C8orf34: variants seen among roughly 807,000 people sequenced by gnomAD.
C8orf34 encodes the protein chromosome 8 open reading frame 34, also known as uncharacterized protein C8orf34.
Under a neutral mutation model 68.3 loss-of-function variants are expected in C8orf34, and 65 were observed. The ratio of observed to expected loss-of-function variants is 0.95; its 90% CI spans 0.78 to 1.17. The LOEUF is 1.17. Among genes scored for constraint, C8orf34 ranks in the 50% most tolerant of loss-of-function variants. The pLI is 0.00. For synonymous variants in C8orf34, 244 were observed against 241.2 expected (o/e 1.01, Z -0.11); for missense variants, 664 against 655.4 (o/e 1.01, Z -0.14).
At chr8:68,347,620 T>C (rs1047006987) in intron 1 of C8orf34, among the ~76,000 whole-genome samples, 3 of 152,090 alleles carry the variant, frequency 2.0e-5, no homozygotes. Context: ...CTCACCAGCA[T>C]CTGTTGTTTT....
chr8:68,735,946 C>T (rs182373882), intron 10 of C8orf34, among the ~76,000 whole-genome samples: 35 of 152,250 alleles, frequency 2.3e-4, no homozygotes. Flanking sequence ...ACTTTAGGTT[C>T]AACAACACCC....
intron 7 of C8orf34, among the ~76,000 whole-genome samples, chr8:68,638,939 G>T (rs530040511): frequency 1.5e-3 from 226 of 152,246 alleles, no homozygotes; most frequent in Non-Finnish European, 2.6e-3. Flanking sequence ...CCTAACTGCG[G>T]TAGGGAAATC....
intron 1 of C8orf34, among the ~76,000 whole-genome samples, chr8:68,421,216 C>T (rs1332748995): frequency 1.3e-5 from 2 of 152,098 alleles, no homozygotes; most frequent in Admixed American, 6.5e-5. Context: ...AACGAAAGAC[C>T]TTGGGCATTA....
chr8:68,719,781 G>T (rs957076022), intron 9 of C8orf34, among the ~76,000 whole-genome samples: 40 of 151,816 alleles, frequency 2.6e-4, no homozygotes, highest in African/African-American at 9.4e-4. Flanking sequence ...AAAATAATTT[G>T]CTGTGTAATG....
At chr8:68,341,433 A>G (rs1240067222) in intron 1 of C8orf34, among the ~76,000 whole-genome samples, 2 of 152,218 alleles carry the variant, frequency 1.3e-5, no homozygotes, top group Non-Finnish European at 2.9e-5. Context: ...ATGATGTCAC[A>G]TATATGGGAA....
At chr8:68,747,262 A>G (rs1195359740) in intron 10 of C8orf34, among the ~76,000 whole-genome samples, 1 of 151,248 alleles carries the variant, frequency 6.6e-6, no homozygotes, top group East Asian at 1.9e-4. Flanking sequence ...TCTATGACAA[A>G]TCCACAGCCA....
intron 11 of C8orf34, among the ~76,000 whole-genome samples, chr8:68,780,224 C>G (rs1296076410): frequency 6.6e-6 from 1 of 152,192 alleles, no homozygotes; most frequent in African/African-American, 2.4e-5. Flanking sequence ...TGTAAAATAG[C>G]TGAAGTCAAT....
At chr8:68,740,762 G>A (rs779066927) in intron 10 of C8orf34, among the ~76,000 whole-genome samples, 13 of 151,914 alleles carry the variant, frequency 8.6e-5, no homozygotes, top group Admixed American at 2.0e-4. Context: ...AATATAAATT[G>A]TTCTGTCATA....
chr8:68,816,103 A>AGTGTGT (rs200556315), intron 13 of C8orf34, among the ~76,000 whole-genome samples, 158 bp downstream of exon 13: 390 of 104,666 alleles, frequency 3.7e-3, no homozygotes, highest in African/African-American at 0.015. Flanking sequence ...AGATTTCCTA[A>AGTGTGT]GAGTGTGTGT....
intron 4 of C8orf34, among the ~76,000 whole-genome samples, chr8:68,474,910 T>C (rs1411526645): frequency 5.9e-5 from 9 of 152,216 alleles, no homozygotes; most frequent in Admixed American, 3.3e-4. Flanking sequence ...ATTGATTCGC[T>C]TCTCCATTCT....
intron 5 of C8orf34, among the ~76,000 whole-genome samples, chr8:68,502,954 C>T (rs906128164): frequency 2.6e-5 from 4 of 152,124 alleles, no homozygotes; most frequent in Non-Finnish European, 4.4e-5. Context: ...AGCAGAGGAA[C>T]GTTTCAAACC....
intron 1 of C8orf34, among the ~76,000 whole-genome samples, chr8:68,421,208 C>G (rs376457833): frequency 6.6e-6 from 1 of 152,102 alleles, no homozygotes; most frequent in African/African-American, 2.4e-5. Flanking sequence ...CTAAATAAAA[C>G]GAAAGACCTT....
In C8orf34 at chr8:68,669,248, G is replaced by A. The variant is rs116776424; in HGVS notation, c.1241+28737G>A. 4.0e-3 allele frequency among the ~76,000 whole-genome samples: 601 copies of A among 152,138 alleles called. 7 individuals carry two copies. The highest frequency in any genetic ancestry group is 0.014 in the African/African-American group (567 of 41,492). ...ACTTTGGTGGGGGATGTTGATAATG[G>A]GGGAGGCTGTGATGTATGTTGGAGG... On this transcript the variant is annotated intron_variant, in intron 8 of 13. Coordinates refer to ENST00000518698, the MANE Select transcript of C8orf34 (RefSeq NM_052958.4).
intron 10 of C8orf34, among the ~76,000 whole-genome samples, chr8:68,728,158 T>C (rs2129526740): frequency 6.6e-6 from 1 of 152,224 alleles, no homozygotes; most frequent in East Asian, 1.9e-4. Context: ...CTAAATAGTC[T>C]CTCTCAAGTT....
chr8:68,619,838 T>C (rs377145636), intron 7 of C8orf34, among the ~76,000 whole-genome samples: 7 of 152,184 alleles, frequency 4.6e-5, no homozygotes, highest in African/African-American at 1.7e-4. Context: ...ACCCAGCTGA[T>C]ACAATGAAAG....
intron 1 of C8orf34, among the ~76,000 whole-genome samples, chr8:68,376,901 C>T (rs1023088618): frequency 2.0e-5 from 3 of 152,220 alleles, no homozygotes; most frequent in African/African-American, 7.2e-5. Flanking sequence ...AGGGCCATTG[C>T]CTTAGGGACA....
chr8:68,815,903 C>A lies in C8orf34; in HGVS notation c.1567C>A (p.Leu523Ile), dbSNP rs931629355. The A allele has an allele frequency of 6.8e-6, 11 of 1,613,732 alleles. No individual in the cohort carries two copies. Among genetic ancestry groups the A allele is most frequent in the Non-Finnish European group, 8.5e-6 (10 of 1,179,808 alleles). ...EQEKRSADLL[L>I]CVPCSSCPTL... ...TTGTGCAGGTTCCGCTGATCTTCTT[C>A]TTTGCGTTCCATGCTCTTCTTGTCC... The change falls in exon 13 of 14, where the codon CTT becomes ATT. Residue 523 changes from leucine to isoleucine, a missense_variant. Transcript: ENST00000518698.
intron 1 of C8orf34, among the ~76,000 whole-genome samples, chr8:68,402,078 A>G (rs1329270362): frequency 6.6e-6 from 1 of 152,000 alleles, no homozygotes; most frequent in Non-Finnish European, 1.5e-5. Context: ...TATTACTCCA[A>G]TTTCGTTACT....
At chr8:68,497,649 A>T (rs4299987) in intron 5 of C8orf34, among the ~76,000 whole-genome samples, 144,258 of 152,170 alleles carry the variant, frequency 0.95, 68,434 homozygotes, top group East Asian at 1. Flanking sequence ...TTACAGTATA[A>T]CCATACAAGA....
Sources: gnomAD v4.1 joint callset for allele counts (sites outside exome capture counted in the v4.1 genomes callset) on GRCh38, gnomAD v4.1.1 for gene constraint, MANE v1.5 for transcripts, NCBI Gene and HGNC (gene_info 2026-07-23, HGNC 2026-07-21) for gene names.